Variants in WRN observed in about 807,000 individuals in gnomAD.
The protein encoded by WRN is WRN RecQ like helicase, also known as bifunctional 3'-5' exonuclease/ATP-dependent helicase WRN.
WRN carries 149 observed loss-of-function variants against 180.7 expected under a neutral mutation model. The ratio of observed to expected loss-of-function variants is 0.82; its 90% confidence interval spans 0.72 to 0.94. The LOEUF is 0.94. Ranked by LOEUF, WRN falls within the 40% of genes least tolerant of loss-of-function variation. WRN has a pLI of 0.00. For missense variants in WRN, 1,661 were observed against 1,700.1 expected, an observed-to-expected ratio of 0.98 and a Z score of 0.40; for synonymous variants, 548 against 568.9, an observed-to-expected ratio of 0.96 and a Z score of 0.52.
chr8:31,146,317 T>C (rs561517561), intron 28 of WRN, among the ~76,000 whole-genome samples: 6 of 150,500 alleles, frequency 4.0e-5, no homozygotes, highest in Non-Finnish European at 5.9e-5. Flanking sequence ...GATAATATTG[T>C]ATTTATATTA....
At chr8:31,145,271 G>A (rs539811578) in intron 28 of WRN, among the ~76,000 whole-genome samples, 6 of 152,322 alleles carry the variant, frequency 3.9e-5, no homozygotes, top group African/African-American at 1.4e-4. Flanking sequence ...CAAAGGACAA[G>A]CTGACTCTCT....
chr8:31,081,445 G>A, intron 9 of WRN, 149 bp downstream of exon 9: 1 of 822,538 alleles, frequency 1.2e-6, no homozygotes, highest in South Asian at 1.9e-5. Flanking sequence ...TAGTGTGAAA[G>A]CAGCCACAGA....
intron 1 of WRN, among the ~76,000 whole-genome samples, chr8:31,046,091 T>C (rs1488884292): frequency 6.6e-6 from 1 of 152,212 alleles, no homozygotes; most frequent in Non-Finnish European, 1.5e-5. Context: ...ATTTTGGATA[T>C]AATTGTATAA....
chr8:31,086,932 A>T (rs926925335), intron 11 of WRN, among the ~76,000 whole-genome samples: 7 of 152,216 alleles, frequency 4.6e-5, no homozygotes, highest in African/African-American at 9.6e-5. Context: ...GGCAACCTGG[A>T]TGCCCATATT....
intron 7 of WRN, among the ~76,000 whole-genome samples, chr8:31,069,737 A>G (rs76371804): frequency 0.014 from 2,108 of 152,286 alleles, 52 homozygotes; most frequent in African/African-American, 0.048. Context: ...GAATGACTGT[A>G]TGTTAATTAA....
intron 32 of WRN, among the ~76,000 whole-genome samples, chr8:31,155,904 A>G (rs999401813): frequency 6.6e-6 from 1 of 152,234 alleles, no homozygotes; most frequent in Non-Finnish European, 1.5e-5. Context: ...ATTTAAAATA[A>G]ATAAGAATAA....
At position 31,157,429 on chromosome 8, in the gene WRN, C is replaced by T. The variant is rs146861737; in HGVS notation, c.3881C>T (p.Ala1294Val). The change falls in exon 33 of 35, where the codon GCG becomes GTG. Residue 1294 changes from alanine to valine, a missense_variant. Ala to Val is a moderately conservative substitution (Grantham distance 64). Transcript: ENST00000298139. The part of the protein sequence containing the change: ...LMTIGMHLSQ[A>V]VKAGCPLDLE... ...ACAATTGGCATGCACTTATCCCAAG[C>T]GGTGAAAGCTGGCTGCCCCCTTGAT... 244 of 1,614,098 alleles carry T rather than the reference C, an allele frequency of 1.5e-4. No homozygotes were observed. Among genetic ancestry groups the T allele is most frequent in the South Asian group, 1.2e-3 (105 of 91,074 alleles).
Position 31,100,924 on chromosome 8 carries a change from A to G in WRN, c.2057A>G (p.Lys686Arg), listed in dbSNP as rs370522829. ...WGHDFRDSFRKLGSLKTALPM... is the reference protein window; with the variant it reads ...WGHDFRDSFRRLGSLKTALPM... ...CATGATTTTAGGGATTCATTCAGGAAGTTGGGCTCCCTAAAGACAGCACTG... is the reference window on the plus strand; with the variant it reads ...CATGATTTTAGGGATTCATTCAGGAGGTTGGGCTCCCTAAAGACAGCACTG... The change falls in exon 18 of 35, where the codon AAG (lysine) becomes AGG (arginine). Residue 686 changes from lysine (K) to arginine (R), a missense_variant. Physicochemically the swap from Lys to Arg is conservative, Grantham distance 26. Around this residue, in one of 3 missense-constraint regions of WRN, gnomAD observed 1,141 missense variants for 1,149.4 expected, o/e 0.99. Transcript: ENST00000298139. 1 of 1,613,928 alleles carries G rather than the reference A, an allele frequency of 6.2e-7. No individual in the cohort carries two copies. The highest frequency in any genetic ancestry group is 1.3e-5 in the African/African-American group (1 of 75,006).
chr8:31,080,887 A>T lies in WRN; in HGVS notation c.860A>T (p.Asp287Val), dbSNP rs770517898. The T allele has an allele frequency of 6.2e-7, 1 of 1,607,942 alleles. No homozygotes were observed. Among genetic ancestry groups the T allele is most frequent in the East Asian group, 2.2e-5 (1 of 44,794 alleles). ...NPRRVSILLK[D>V]ISENLYSLRR... ...TTTAGGGTTTCTATCTTACTAAAGG[A>T]TATTTCAGAAAATCTATATTCACTG... The change falls in exon 9 of 35, where the codon GAT becomes GTT. Residue 287 changes from aspartate to valine, a missense_variant. Transcript: ENST00000298139.
intron 34 of WRN, 144 bp from the exon 35 acceptor site, chr8:31,172,851 A>G: frequency 1.5e-6 from 1 of 667,742 alleles, no homozygotes; most frequent in South Asian, 1.8e-5. Flanking sequence ...TGATCCAGAA[A>G]TAAATTATAT....
chr8:31,147,335 A>C (rs1481523818), intron 29 of WRN, 29 bp from the exon 30 acceptor site: 1 of 1,605,590 alleles, frequency 6.2e-7, no homozygotes, highest in Non-Finnish European at 8.5e-7. Flanking sequence ...TACACTTTAA[A>C]AAGTGTTGTT....
At chr8:31,064,572 A>G in intron 4 of WRN, 138 bp downstream of exon 4, 1 of 1,197,666 alleles carries the variant, frequency 8.3e-7, no homozygotes, top group South Asian at 1.4e-5. Flanking sequence ...GTTCTACCTG[A>G]TTCACTCACA....
chr8:31,133,366 G>A (rs773257739), intron 24 of WRN, among the ~76,000 whole-genome samples: 2 of 152,010 alleles, frequency 1.3e-5, no homozygotes, highest in Non-Finnish European at 2.9e-5. Flanking sequence ...TGAAATACTC[G>A]AATGCTTCAT....
intron 24 of WRN, among the ~76,000 whole-genome samples, chr8:31,135,256 C>G (rs1381177924): frequency 1.3e-5 from 2 of 151,706 alleles, no homozygotes; most frequent in African/African-American, 2.4e-5. Context: ...TGGGGTCTCC[C>G]CATGTTGCCC....
intron 24 of WRN, among the ~76,000 whole-genome samples, chr8:31,140,614 C>T (rs1802582791): frequency 6.6e-6 from 1 of 152,146 alleles, no homozygotes; most frequent in Non-Finnish European, 1.5e-5. Flanking sequence ...AGTGAAGCAG[C>T]TAAATTGTAA....
At chr8:31,040,331 T>C (rs1355827252) in intron 1 of WRN, among the ~76,000 whole-genome samples, 10 of 152,224 alleles carry the variant, frequency 6.6e-5, no homozygotes, top group Admixed American at 4.6e-4. Flanking sequence ...TATATAACTT[T>C]GGAAGTCATT....
At chr8:31,149,807 TTAGA>T (rs1803044268) in intron 30 of WRN, among the ~76,000 whole-genome samples, 3 of 152,030 alleles carry the variant, frequency 2.0e-5, no homozygotes, top group Non-Finnish European at 4.4e-5. Context: ...ATAATAATCA[TTAGA>T]TAGGCAGATT....
chr8:31,166,216 G>A (rs1803853483), intron 33 of WRN, among the ~76,000 whole-genome samples: 1 of 152,266 alleles, frequency 6.6e-6, no homozygotes, highest in East Asian at 1.9e-4. Flanking sequence ...TGAATTGAGT[G>A]TCAAATATTT....
chr8:31,046,573 AT>A (rs936408273), intron 1 of WRN, among the ~76,000 whole-genome samples: 1 of 152,066 alleles, frequency 6.6e-6, no homozygotes, highest in Non-Finnish European at 1.5e-5. Context: ...TCATCTCTGC[AT>A]TTTTCCAATC....
Sources: gnomAD v4.1 joint callset for allele counts (sites outside exome capture counted in the v4.1 genomes callset) on GRCh38, gnomAD v4.1.1 for gene constraint, gnomAD v4.1.1 regional missense constraint, MANE v1.5 for transcripts, NCBI Gene and HGNC (gene_info 2026-07-23, HGNC 2026-07-21) for gene names.